USP19: variants seen among roughly 807,000 people sequenced by gnomAD.
The protein encoded by USP19 is ubiquitin specific peptidase 19, also known as ubiquitin carboxyl-terminal hydrolase 19.
In USP19, 40 loss-of-function variants were observed where a neutral mutation model predicts 144.8. That is an observed-to-expected ratio of 0.28 (90% CI 0.21 to 0.36). The LOEUF is 0.36. Among genes scored for constraint, USP19 ranks in the 10% least tolerant of loss-of-function variants. USP19 has a pLI of 1.00. For synonymous variants in USP19, 701 were observed against 709.3 expected (o/e 0.99, Z 0.19); for missense variants, 1,518 against 1,822.5 (o/e 0.83, Z 3.04).
intron 1 of USP19, among the ~76,000 whole-genome samples, 178 bp from the exon 2 acceptor site, chr3:49,119,459 C>T (rs1417729659): frequency 1.3e-5 from 2 of 152,226 alleles, no homozygotes; most frequent in South Asian, 2.1e-4. Context: ...GTAGCAGCAA[C>T]CACTTCTGGC....
At position 49,110,564 on chromosome 3, in the gene USP19, C is replaced by T; in HGVS notation, c.3739G>A (p.Glu1247Lys). 6.2e-7 allele frequency: 1 copy of T among 1,614,024 alleles called. No homozygotes were observed. Among genetic ancestry groups the T allele is most frequent in the Non-Finnish European group, 8.5e-7 (1 of 1,180,034 alleles). Residue 1247 changes from glutamate (E) to lysine (K), a missense_variant, in exon 25 of 27, where the codon GAG becomes AAG. Coordinates refer to ENST00000417901, the MANE Select transcript of USP19 (RefSeq NM_001199161.2). This position sits in a 1 kb window ranked among gnomAD's most constrained non-coding sequence, Gnocchi z 6.1. Reference protein sequence around the residue: ...LSKFCIGQKEEQLPSYDLYAV... With the variant: ...LSKFCIGQKEKQLPSYDLYAV... ...TATAGATCGTAGCTGGGCAGCTGCT[C>T]CTCTTTCTGACCAATGCAGAACTTG...
In USP19 at chr3:49,111,392, T is replaced by C. The variant is rs927324556; in HGVS notation, c.3218-27A>G. The stretch of plus-strand genomic sequence containing the variant: ...TGTGTGAGAACATGATAATCAAAGC[T>C]TCCCTGCCCATCAGGGCCTCACCAG... On this transcript the variant is annotated intron_variant, in intron 21 of 26. Transcript: ENST00000417901. The surrounding 1 kb of genome is among the most constrained non-coding windows in gnomAD (Gnocchi z 5.9). The C allele has an allele frequency of 6.2e-7, 1 of 1,613,880 alleles. No homozygotes were observed. Among genetic ancestry groups the C allele is most frequent in the African/African-American group, 1.3e-5 (1 of 74,926 alleles).
At position 49,115,752 on chromosome 3, in the gene USP19, G is replaced by A; in HGVS notation, c.1664C>T (p.Thr555Ile). 1.2e-6 allele frequency: 2 copies of A among 1,612,642 alleles called. No homozygotes were observed. Among genetic ancestry groups the A allele is most frequent in the Non-Finnish European group, 1.7e-6 (2 of 1,178,902 alleles). Residue 555 changes from threonine (T) to isoleucine (I), a missense_variant, in exon 11 of 27, where the codon ACC becomes ATC. This residue lies in a region of USP19 where 707 missense variants were observed against 728.9 expected (regional missense o/e 0.97). Coordinates refer to ENST00000417901, the MANE Select transcript of USP19 (RefSeq NM_001199161.2). The surrounding 1 kb of genome is among the most constrained non-coding windows in gnomAD (Gnocchi z 6.6). ...VATRTPMEHV[T>I]PKPETHLASP... ...GGCCAGGTGTGTCTCTGGCTTTGGGGTTACATGCTCCATGGGTGTGCGGGT... is the reference window on the plus strand; with the variant it reads ...GGCCAGGTGTGTCTCTGGCTTTGGGATTACATGCTCCATGGGTGTGCGGGT...
At position 49,112,017 on chromosome 3, in the gene USP19, T is replaced by C; in HGVS notation, c.2797A>G (p.Lys933Glu). 1 of 1,614,008 alleles carries C rather than the reference T, an allele frequency of 6.2e-7. No homozygotes were observed. The highest frequency in any genetic ancestry group is 8.5e-7 in the Non-Finnish European group (1 of 1,180,008). Residue 933 changes from lysine (K) to glutamate (E), a missense_variant, in exon 20 of 27, where the codon AAG becomes GAG. Coordinates refer to ENST00000417901, the MANE Select transcript of USP19 (RefSeq NM_001199161.2). This position sits in a 1 kb window ranked among gnomAD's most constrained non-coding sequence, Gnocchi z 4.9. ...ATGTTCTCAGGTCGGCAGAGGCCCT[T>C]GTGGTCAGGCCAGTGGGTTTTCTGG... is the stretch of plus-strand genomic sequence containing the variant. ...LCQKTHWPDH[K>E]GLCRPENIGY...
Position 49,116,070 on chromosome 3 carries a change from C to T in USP19, c.1448G>A (p.Gly483Asp). The change falls in exon 10 of 27, where the codon GGC (glycine) becomes GAC (aspartate). Residue 483 changes from glycine to aspartate, a missense_variant. Coordinates refer to ENST00000417901, the MANE Select transcript of USP19 (RefSeq NM_001199161.2). This position sits in a 1 kb window ranked among gnomAD's most constrained non-coding sequence, Gnocchi z 5.0. ...LRKRQSQRWGGLEAPAARGAV... is the reference protein window; with the variant it reads ...LRKRQSQRWGDLEAPAARGAV... ...ACCTCGTGCAGCCGGGGCCTCCAGG[C>T]CCCCCCAGCGCTGACTCTGCCTCTT... 5 of 1,603,932 alleles carry T rather than the reference C, an allele frequency of 3.1e-6. No homozygotes were observed. Among genetic ancestry groups the T allele is most frequent in the South Asian group, 1.1e-5 (1 of 90,028 alleles).
rs772574573 is a variant in USP19 at position 49,115,602 on chromosome 3, C to T, written c.1730G>A (p.Ser577Asn). The change falls in exon 12 of 27, where the codon AGC (serine) becomes AAC (asparagine). Residue 577 changes from serine to asparagine, a missense_variant. Transcript: ENST00000417901. This position sits in a 1 kb window ranked among gnomAD's most constrained non-coding sequence, Gnocchi z 6.6. Reference sequence around the variant, plus strand: ...CTCCACGCTGTCTCCACTAACTGGGCTGTGGGGCATGGGAGGCACCATGCA... The same window carrying T: ...CTCCACGCTGTCTCCACTAACTGGGTTGTGGGGCATGGGAGGCACCATGCA... The part of the protein sequence containing the change: ...PTCMVPPMPH[S>N]PVSGDSVEEE... The T allele has an allele frequency of 1.9e-6, 3 of 1,610,768 alleles. No homozygotes were observed. Among genetic ancestry groups the T allele is most frequent in the South Asian group, 2.2e-5 (2 of 90,686 alleles).
At chr3:49,119,375 G>A (rs1049858650) in intron 1 of USP19, 94 bp from the exon 2 acceptor site, 1 of 506,972 alleles carries the variant, frequency 2.0e-6, no homozygotes. Context: ...TAATGCTACA[G>A]AGCTGTATCT....
In USP19 at chr3:49,111,689, G is replaced by A. The variant is rs745880867; in HGVS notation, c.3028C>T (p.Pro1010Ser). 2 of 1,599,024 alleles carry A rather than the reference G, an allele frequency of 1.3e-6. No homozygotes were observed. Among genetic ancestry groups the A allele is most frequent in the East Asian group, 4.5e-5 (2 of 44,720 alleles). ...AGCTGGAGCTCAGGTGGCTGAATGG[G>A]GTCTCTCTCGCTGTCCCCAGCCTCC... is the stretch of plus-strand genomic sequence containing the variant. ...SLEAGDSERD[P>S]IQPPELQLVT... The change falls in exon 21 of 27, where the codon CCC (proline) becomes TCC (serine). Residue 1010 changes from proline (P) to serine (S), a missense_variant. This residue lies in a region of USP19 where 413 missense variants were observed against 515.8 expected (regional missense o/e 0.80). Transcript: ENST00000417901. This position sits in a 1 kb window ranked among gnomAD's most constrained non-coding sequence, Gnocchi z 5.9.
At position 49,108,308 on chromosome 3, in the gene USP19, T is replaced by C. The variant is rs3212; in HGVS notation, c.*104A>G. ...CCAAATCATACCCCTCAGCTTCCCA[T>C]TGACAGAGCCAGTGTCCTCTGGGTT... On this transcript the variant is annotated 3_prime_UTR_variant, in exon 27 of 27. Transcript: ENST00000417901. The surrounding 1 kb of genome is among the most constrained non-coding windows in gnomAD (Gnocchi z 4.8). 223,933 of 322,636 alleles carry C rather than the reference T, an allele frequency of 0.69. 79,266 individuals are homozygous for C. The highest frequency in any genetic ancestry group is 0.96 in the East Asian group (13,334 of 13,940). The allele number at this position is 322,636 out of a possible 1,614,324, so 20.0% of individuals were successfully genotyped here.
chr3:49,109,112 C>T (rs2042751561), intron 26 of USP19: 3 of 1,564,864 alleles, frequency 1.9e-6, no homozygotes, highest in Non-Finnish European at 2.6e-6. Context: ...TTGGGGCCCC[C>T]AGGGACCCAG....
At position 49,108,293 on chromosome 3, in the gene USP19, C is replaced by A; in HGVS notation, c.*119G>T. On this transcript the variant is annotated 3_prime_UTR_variant, in exon 27 of 27. Coordinates refer to ENST00000417901, the MANE Select transcript of USP19 (RefSeq NM_001199161.2). The surrounding 1 kb of genome is among the most constrained non-coding windows in gnomAD (Gnocchi z 4.8). Reference sequence around the variant, plus strand: ...GAGAGGTCTCCACACCCAAATCATACCCCTCAGCTTCCCATTGACAGAGCC... The same window carrying A: ...GAGAGGTCTCCACACCCAAATCATAACCCTCAGCTTCCCATTGACAGAGCC... 1 of 309,512 alleles carries A rather than the reference C, an allele frequency of 3.2e-6. No homozygotes were observed. The highest frequency in any genetic ancestry group is 6.4e-6 in the Non-Finnish European group (1 of 156,770). 19.2% of individuals were successfully genotyped at this position (309,512 alleles called of 1,614,324 possible).
Position 49,111,391 on chromosome 3 carries a change from C to T in USP19, c.3218-26G>A. 1 of 1,613,998 alleles carries T rather than the reference C, an allele frequency of 6.2e-7. No individual in the cohort carries two copies. Among genetic ancestry groups the T allele is most frequent in the South Asian group, 1.1e-5 (1 of 91,080 alleles). On this transcript the variant is annotated intron_variant, in intron 21 of 26. Transcript: ENST00000417901. This position sits in a 1 kb window ranked among gnomAD's most constrained non-coding sequence, Gnocchi z 5.9. Reference sequence around the variant, plus strand: ...CTGTGTGAGAACATGATAATCAAAGCTTCCCTGCCCATCAGGGCCTCACCA... The same window carrying T: ...CTGTGTGAGAACATGATAATCAAAGTTTCCCTGCCCATCAGGGCCTCACCA...
Position 49,110,242 on chromosome 3 carries a change from G to A in USP19, c.3980C>T (p.Ala1327Val). The A allele has an allele frequency of 6.3e-7, 1 of 1,590,974 alleles. No homozygotes were observed. The highest frequency in any genetic ancestry group is 8.6e-7 in the Non-Finnish European group (1 of 1,167,080). The change falls in exon 26 of 27, where the codon GCA becomes GTA. Residue 1327 changes from alanine to valine, a missense_variant. This residue lies in a region of USP19 where 118 missense variants were observed against 100.2 expected (regional missense o/e 1.18). Transcript: ENST00000417901. The surrounding 1 kb of genome is among the most constrained non-coding windows in gnomAD (Gnocchi z 6.1). ...RNSPVERPPR[A>V]GHSEHHPDLG... Reference sequence around the variant, plus strand: ...GTCTGGGTGGTGCTCAGAGTGACCTGCCCTGGGGGGCCTCTCCACAGGAGA... The same window carrying A: ...GTCTGGGTGGTGCTCAGAGTGACCTACCCTGGGGGGCCTCTCCACAGGAGA...
In USP19 at chr3:49,114,685, G is replaced by A. The variant is rs2107439600; in HGVS notation, c.2292+78C>T. 3 of 1,483,148 alleles carry A rather than the reference G, an allele frequency of 2.0e-6. No homozygotes were observed. The highest frequency in any genetic ancestry group is 1.8e-5 in the Admixed American group (1 of 57,028). 91.9% of individuals were successfully genotyped at this position (1,483,148 alleles called of 1,614,324 possible). ...ACCTTGCCCTGTAGCACCTTAAGAT[G>A]CACATGCCTCTGAACCTAATGTGAC... On this transcript the variant is annotated intron_variant, in intron 15 of 26. Coordinates refer to ENST00000417901, the MANE Select transcript of USP19 (RefSeq NM_001199161.2). The surrounding 1 kb of genome is among the most constrained non-coding windows in gnomAD (Gnocchi z 4.5).
rs1017796250 is a variant in USP19 at position 49,108,464 on chromosome 3, G to A, written c.4103C>T (p.Pro1368Leu). Residue 1368 changes from proline to leucine, a missense_variant, in exon 27 of 27, where the codon CCC (proline) becomes CTC (leucine). By Grantham distance (98) the Pro-to-Leu change is moderately conservative (BLOSUM62 -3). Coordinates refer to ENST00000417901, the MANE Select transcript of USP19 (RefSeq NM_001199161.2). This position sits in a 1 kb window ranked among gnomAD's most constrained non-coding sequence, Gnocchi z 4.8. ...GGTGGGGGCTGGCCGATCCACAGGG[G>A]GGGCGAAGCGTTCAGGGGCTGTCCG... ...PTRTAPERFA[P>L]PVDRPAPTYS... is the part of the protein sequence containing the mutation. The A allele has an allele frequency of 3.0e-5, 40 of 1,352,730 alleles. No individual in the cohort carries two copies. Among genetic ancestry groups the A allele is most frequent in the Middle Eastern group, 1.9e-4 (1 of 5,138 alleles). 83.8% of individuals were successfully genotyped at this position (1,352,730 alleles called of 1,614,324 possible).
Position 49,110,316 on chromosome 3 carries a change from G to T in USP19, c.3906C>A (p.Ser1302Arg). Residue 1302 changes from serine (S) to arginine (R), a missense_variant, in exon 26 of 27, where the codon AGC becomes AGA. Transcript: ENST00000417901. This position sits in a 1 kb window ranked among gnomAD's most constrained non-coding sequence, Gnocchi z 6.1. ...CATAGGCATAACGCGTCACAACCTG[G>T]CTCTCGTCTACCGTTGTCACTGTGC... is the stretch of plus-strand genomic sequence containing the variant. ...DDSTVTTVDE[S>R]QVVTRYAYVL... 6.2e-7 allele frequency: 1 copy of T among 1,605,442 alleles called. No individual in the cohort carries two copies. Among genetic ancestry groups the T allele is most frequent in the Non-Finnish European group, 8.5e-7 (1 of 1,174,462 alleles).
At position 49,114,299 on chromosome 3, in the gene USP19, G is replaced by A. The variant is rs1256487594; in HGVS notation, c.2293-15C>T. On this transcript the variant is annotated splice_polypyrimidine_tract_variant and intron_variant, in intron 15 of 26. Coordinates refer to ENST00000417901, the MANE Select transcript of USP19 (RefSeq NM_001199161.2). The surrounding 1 kb of genome is among the most constrained non-coding windows in gnomAD (Gnocchi z 4.5). The stretch of plus-strand genomic sequence containing the variant: ...GTGATGGAGACCTGTGGATGTAGAG[G>A]TGGCACTGGGTAGCTGCACACAGAG... 6.2e-7 allele frequency: 1 copy of A among 1,610,290 alleles called. No individual in the cohort carries two copies. The highest frequency in any genetic ancestry group is 8.5e-7 in the Non-Finnish European group (1 of 1,176,720).
rs1256452377 is a variant in USP19 at position 49,108,660 on chromosome 3, CAG to C, written c.4039-134_4039-133del. On this transcript the variant is annotated intron_variant, in intron 26 of 26. Coordinates refer to ENST00000417901, the MANE Select transcript of USP19 (RefSeq NM_001199161.2). This position sits in a 1 kb window ranked among gnomAD's most constrained non-coding sequence, Gnocchi z 4.8. ...GGCGCAGACAGCAGCGGCGTTGAGA[CAG>C]AGAGACGAGATTGGGCCTGAATAGT... The C allele has an allele frequency of 9.3e-6, 12 of 1,289,472 alleles. No individual in the cohort carries two copies. Among genetic ancestry groups the C allele is most frequent in the Middle Eastern group, 6.0e-4 (2 of 3,358 alleles). 79.9% of individuals were successfully genotyped at this position (1,289,472 alleles called of 1,614,324 possible).
chr3:49,116,733 C>T lies in USP19; in HGVS notation c.1120G>A (p.Val374Met). 1 of 1,611,054 alleles carries T rather than the reference C, an allele frequency of 6.2e-7. No individual in the cohort carries two copies. The highest frequency in any genetic ancestry group is 8.5e-7 in the Non-Finnish European group (1 of 1,178,102). Residue 374 changes from valine (V) to methionine (M), a missense_variant, in exon 7 of 27, where the codon GTG becomes ATG. Around this residue, in one of 5 missense-constraint regions of USP19, gnomAD observed 707 missense variants for 728.9 expected, o/e 0.97. Transcript: ENST00000417901. This position sits in a 1 kb window ranked among gnomAD's most constrained non-coding sequence, Gnocchi z 5.0. ...MAVAADAATL[V>M]DEPESMVNLA... is the part of the protein sequence containing the mutation. ...TGCCCACCCCCACCTTTACCATCCA[C>T]CAAGGTTGCAGCATCTGCTGCCACT... is the stretch of plus-strand genomic sequence containing the variant.
Sources: gnomAD v4.1 joint callset for allele counts (sites outside exome capture counted in the v4.1 genomes callset) on GRCh38, gnomAD v4.1.1 for gene constraint, gnomAD v4.1.1 regional missense constraint, Gnocchi (gnomAD v3.1) non-coding constraint, MANE v1.5 for transcripts, NCBI Gene and HGNC (gene_info 2026-07-23, HGNC 2026-07-21) for gene names.